The following BRIP1 variants were observed in gnomAD, a reference collection of about 807,000 sequenced individuals.
The protein encoded by BRIP1 is Fanconi anemia group J protein.
BRIP1 carries 88 observed loss-of-function variants against 119.7 expected under a neutral mutation model. The observed-to-expected ratio is 0.74, with a 90% confidence interval of 0.62 to 0.88. The LOEUF (loss-of-function observed/expected upper bound fraction) is 0.88. Ranked by LOEUF, BRIP1 falls within the 40% of genes least tolerant of loss-of-function variation. BRIP1 has a pLI of 0.00. For missense variants in BRIP1, 1,259 were observed against 1,455.4 expected, an observed-to-expected ratio of 0.87 and a Z score of 2.20; for synonymous variants, 443 against 496.5, an observed-to-expected ratio of 0.89 and a Z score of 1.43.
chr17:61,697,579 C>T (rs1210918574), intron 17 of BRIP1, among the ~76,000 whole-genome samples: 3 of 151,918 alleles, frequency 2.0e-5, no homozygotes, highest in Admixed American at 6.6e-5. Context: ...AGTCTTGGTA[C>T]AGGTCTGTCA....
rs966262111 is a variant in BRIP1, at chr17:61,815,750, T to C, written c.628-6993A>G. ...TAACAGGATTGTTTTCATCTACCAC[T>C]TAAGCAAAAAAGCAAAACACTGCCC... On this transcript the variant is annotated intron_variant, in intron 6 of 19. Transcript: ENST00000259008. The surrounding 1 kb of genome is among the most constrained non-coding windows in gnomAD (Gnocchi z 4.1). Among the ~76,000 whole-genome samples, 2 of 152,176 alleles carry C rather than the reference T, an allele frequency of 1.3e-5. No homozygotes were observed. Among genetic ancestry groups the C allele is most frequent in the Non-Finnish European group, 1.5e-5 (1 of 68,020 alleles).
intron 10 of BRIP1, among the ~76,000 whole-genome samples, chr17:61,790,320 G>T (rs9889452): frequency 2.0e-5 from 3 of 151,966 alleles, no homozygotes; most frequent in African/African-American, 4.8e-5. Context: ...CATGGTGGGC[G>T]GATCACCTGA....
intron 10 of BRIP1, among the ~76,000 whole-genome samples, chr17:61,786,234 TGTGA>T (rs1438713187): frequency 2.6e-5 from 4 of 151,932 alleles, no homozygotes; most frequent in African/African-American, 4.8e-5. Context: ...GAAGAGTGTG[TGTGA>T]GTGTGTGCGT....
Position 61,710,301 on chromosome 17 carries a change from T to C in BRIP1, c.2492+5650A>G, listed in dbSNP as rs1050394987. Among the ~76,000 whole-genome samples the C allele has an allele frequency of 1.3e-5, 2 of 152,200 alleles. No homozygotes were observed. The highest frequency in any genetic ancestry group is 2.4e-5 in the African/African-American group (1 of 41,446). The stretch of plus-strand genomic sequence containing the variant: ...AATGTTGTATGGCAGGAAAAAGCAC[T>C]GAACCTCACATTTTTCACTAATTCA... On this transcript the variant is annotated intron_variant, in intron 17 of 19. Coordinates refer to ENST00000259008, the MANE Select transcript of BRIP1 (RefSeq NM_032043.3). The surrounding 1 kb of genome is among the most constrained non-coding windows in gnomAD (Gnocchi z 5.4).
Position 61,774,944 on chromosome 17 carries a change from G to A in BRIP1, c.2097+1457C>T, listed in dbSNP as rs1424514528. Among the ~76,000 whole-genome samples, 3 of 152,116 alleles carry A rather than the reference G, an allele frequency of 2.0e-5. No homozygotes were observed. The highest frequency in any genetic ancestry group is 4.4e-5 in the Non-Finnish European group (3 of 68,020). On this transcript the variant is annotated intron_variant, in intron 14 of 19. Coordinates refer to ENST00000259008, the MANE Select transcript of BRIP1 (RefSeq NM_032043.3). The surrounding 1 kb of genome is among the most constrained non-coding windows in gnomAD (Gnocchi z 5.8). ...TATCTCCCTTTTTGTGACTATGACT[G>A]GAAAATATAAAAAGGTTTTAGCAAT...
In BRIP1 at chr17:61,729,943, C is replaced by T. The variant is rs574218034; in HGVS notation, c.2379+13070G>A. On this transcript the variant is annotated intron_variant, in intron 16 of 19. Transcript: ENST00000259008. The surrounding 1 kb of genome is among the most constrained non-coding windows in gnomAD (Gnocchi z 5.6). ...GTTAAACATCCTGGAATGCACAGGA[C>T]ACTCCTCGGAACAAAGAATTACCCA... Among the ~76,000 whole-genome samples the T allele has an allele frequency of 5.3e-5, 8 of 152,224 alleles. No homozygotes were observed. The South Asian group carries it at 1.7e-3, about 32-fold the overall frequency.
intron 17 of BRIP1, among the ~76,000 whole-genome samples, chr17:61,714,643 G>A (rs575310806): frequency 4.6e-5 from 7 of 152,200 alleles, no homozygotes; most frequent in Middle Eastern, 3.4e-3. Flanking sequence ...ATGCATGACT[G>A]TATAAAATAA....
intron 19 of BRIP1, 96 bp downstream of exon 19, chr17:61,685,740 T>C (rs757966776): frequency 4.5e-6 from 5 of 1,117,430 alleles, no homozygotes; most frequent in Non-Finnish European, 6.6e-6. Flanking sequence ...CAAACCACCA[T>C]ATTTAAGGAA....
chr17:61,699,522 A>T lies in BRIP1; in HGVS notation c.2493-6010T>A, dbSNP rs1265966704. 6.6e-6 allele frequency among the ~76,000 whole-genome samples: 1 copy of T among 152,164 alleles called. No homozygotes were observed. The highest frequency in any genetic ancestry group is 2.4e-5 in the African/African-American group (1 of 41,440). The stretch of plus-strand genomic sequence containing the variant: ...AACTAGTCAGGAAAATTGCCAACTT[A>T]ATTTCAATAGTACAAAAAAATGGTC... On this transcript the variant is annotated intron_variant, in intron 17 of 19. Transcript: ENST00000259008. The surrounding 1 kb of genome is among the most constrained non-coding windows in gnomAD (Gnocchi z 4.8).
intron 13 of BRIP1, among the ~76,000 whole-genome samples, chr17:61,779,851 G>A (rs1395740561): frequency 6.6e-6 from 1 of 152,008 alleles, no homozygotes; most frequent in African/African-American, 2.4e-5. Context: ...AGCAACTTGA[G>A]AGGCTGAAGC....
rs2078058902 is a variant in BRIP1, at chr17:61,805,291, A to G, written c.918+3176T>C. 1.3e-5 allele frequency among the ~76,000 whole-genome samples: 2 copies of G among 152,154 alleles called. No homozygotes were observed. Among genetic ancestry groups the G allele is most frequent in the South Asian group, 4.1e-4 (2 of 4,828 alleles). On this transcript the variant is annotated intron_variant, in intron 7 of 19. Transcript: ENST00000259008. This position sits in a 1 kb window ranked among gnomAD's most constrained non-coding sequence, Gnocchi z 5.6. Reference sequence around the variant, plus strand: ...CCAGTTCTCCTAAAGCTTTGTATTCAGCCATGTTAAAGGATGATACCTGTT... The same window carrying G: ...CCAGTTCTCCTAAAGCTTTGTATTCGGCCATGTTAAAGGATGATACCTGTT...
rs2061385204 is a variant in BRIP1, at chr17:61,687,963, A to G, written c.2576-1798T>C. Among the ~76,000 whole-genome samples, 1 of 152,182 alleles carries G rather than the reference A, an allele frequency of 6.6e-6. No individual in the cohort carries two copies. Among genetic ancestry groups the G allele is most frequent in the African/African-American group, 2.4e-5 (1 of 41,444 alleles). ...CCCTACATGCCCAGGGGCCACTAAG[A>G]ACAAAAGCGCTGTGCAGCAAGTTTC... On this transcript the variant is annotated intron_variant, in intron 18 of 19. Coordinates refer to ENST00000259008, the MANE Select transcript of BRIP1 (RefSeq NM_032043.3). This position sits in a 1 kb window ranked among gnomAD's most constrained non-coding sequence, Gnocchi z 5.1.
rs2077991101 is a variant in BRIP1, at chr17:61,801,391, G to C, written c.1002C>G (p.Ala334=). The C allele has an allele frequency of 6.2e-7, 1 of 1,613,868 alleles. No individual in the cohort carries two copies. The highest frequency in any genetic ancestry group is 8.5e-7 in the Non-Finnish European group (1 of 1,179,898). Residue 334 remains alanine, a synonymous_variant, in exon 8 of 20, where the codon GCC becomes GCG. Transcript: ENST00000259008. The part of the protein sequence containing the change: ...TLQTFQGMCK[A]WDIEELVSLG... ...GGCTGACAAGTTCTTCTATATCCCA[G>C]GCTTTGCACATCCCTTGGAAAGTCT... is the stretch of plus-strand genomic sequence containing the variant.
At chr17:61,800,432 G>A (rs931841953) in intron 8 of BRIP1, among the ~76,000 whole-genome samples, 2 of 152,126 alleles carry the variant, frequency 1.3e-5, no homozygotes, top group African/African-American at 2.4e-5. Flanking sequence ...CAAAGATAGA[G>A]TAAAGAACAA....
rs1567779896 is a variant in BRIP1 at position 61,743,147 on chromosome 17, A to G, written c.2258-13T>C. The G allele has an allele frequency of 1.9e-6, 3 of 1,613,690 alleles. No homozygotes were observed. Among genetic ancestry groups the G allele is most frequent in the Non-Finnish European group, 2.5e-6 (3 of 1,179,660 alleles). ...AGGAGAGCTCCATCTTAAACAACAG[A>G]AAAAAGCATATCCAAAATTCTCAGA... On this transcript the variant is annotated splice_polypyrimidine_tract_variant and intron_variant, in intron 15 of 19. Coordinates refer to ENST00000259008, the MANE Select transcript of BRIP1 (RefSeq NM_032043.3). This position sits in a 1 kb window ranked among gnomAD's most constrained non-coding sequence, Gnocchi z 4.3.
Position 61,693,628 on chromosome 17 carries a change from TTG to T in BRIP1, c.2493-118_2493-117del. 1.2e-6 allele frequency: 1 copy of T among 838,410 alleles called. No homozygotes were observed. The highest frequency in any genetic ancestry group is 2.0e-6 in the Non-Finnish European group (1 of 511,806). 51.9% of individuals were successfully genotyped at this position (838,410 alleles called of 1,614,324 possible). A position where few individuals can be genotyped will look rare whatever the true frequency, so the allele number is the denominator to read the frequency against. ...AATTTTATAGATTCCTTTAAACAAT[TTG>T]TTATTATCAGAAAAGTTACAGAAGC... is the stretch of plus-strand genomic sequence containing the variant. On this transcript the variant is annotated intron_variant, in intron 17 of 19. Coordinates refer to ENST00000259008, the MANE Select transcript of BRIP1 (RefSeq NM_032043.3). The surrounding 1 kb of genome is among the most constrained non-coding windows in gnomAD (Gnocchi z 4.2).
chr17:61,817,347 T>C (rs7215784), intron 6 of BRIP1, among the ~76,000 whole-genome samples: 120,692 of 152,142 alleles, frequency 0.79, 48,511 homozygotes, highest in African/African-American at 0.9. Context: ...AAACCCTATC[T>C]CTTGAGATTG....
chr17:61,716,190 C>G, intron 16 of BRIP1, 127 bp from the exon 17 acceptor site: 1 of 631,834 alleles, frequency 1.6e-6, no homozygotes, highest in Non-Finnish European at 2.6e-6. Context: ...TTTTTCAGTA[C>G]TGATTTTTTT....
At chr17:61,838,345 C>A (rs1298218855) in intron 6 of BRIP1, among the ~76,000 whole-genome samples, 16 of 151,754 alleles carry the variant, frequency 1.1e-4, no homozygotes, top group Admixed American at 1.1e-3. Context: ...TAGGAGTGAG[C>A]CACCATCCTG....
Sources: allele counts gnomAD v4.1 joint callset (sites outside exome capture counted in the v4.1 genomes callset), GRCh38; gene constraint gnomAD v4.1.1; non-coding constraint Gnocchi (gnomAD v3.1); transcripts MANE v1.5; gene names NCBI Gene and HGNC (gene_info 2026-07-23, HGNC 2026-07-21).